ODAPH: variants seen among roughly 807,000 people sequenced by gnomAD.
The protein encoded by ODAPH is amelogenesis imperfecta type IIA4.
ODAPH carries 2 observed loss-of-function variants against 2.8 expected under a neutral mutation model. The observed-to-expected ratio is 0.72, with a 90% confidence interval of 0.30 to 2.28. ODAPH has a LOEUF of 2.28. Ranked by LOEUF, ODAPH falls within the 30% of genes most tolerant of loss-of-function variation. The pLI is 0.13. For missense variants in ODAPH, 159 were observed against 163.3 expected (o/e 0.97, Z 0.14); for synonymous variants, 75 against 60.3 (o/e 1.24, Z -1.13).
rs538360720 is a variant in ODAPH, at chr4:75,558,684, T to G, written c.67+2535T>G. ...TGTTTTTTCTATTATACTCTAATTT[T>G]TTTGTTTGTTTGTTTGTATGTTTGT... On this transcript the variant is annotated intron_variant, in intron 1 of 1. Transcript: ENST00000311623. Among the ~76,000 whole-genome samples, 6 of 152,160 alleles carry G rather than the reference T, an allele frequency of 3.9e-5. No homozygotes were observed. In the East Asian group the frequency reaches 9.7e-4, roughly 25 times the overall value.
rs6846555 is a variant in ODAPH, at chr4:75,559,808, G to A, written c.67+3659G>A. ...TCAATTCAATTGTACTGGAGGCACC[G>A]TGCTAGGGATGAGGAGGCAGCAGTC... On this transcript the variant is annotated intron_variant, in intron 1 of 1. Transcript: ENST00000311623. 9.2e-3 allele frequency among the ~76,000 whole-genome samples: 1,397 copies of A among 152,296 alleles called. 19 individuals are homozygous for A. Among genetic ancestry groups the A allele is most frequent in the African/African-American group, 0.032 (1,323 of 41,564 alleles).
chr4:75,559,672 G>A (rs1191692353), intron 1 of ODAPH, among the ~76,000 whole-genome samples: 1 of 152,200 alleles, frequency 6.6e-6, no homozygotes, highest in Non-Finnish European at 1.5e-5. Flanking sequence ...GCCTTTGATA[G>A]CATGTCAGTA....
chr4:75,559,426 G>T (rs2148841904), intron 1 of ODAPH, among the ~76,000 whole-genome samples: 1 of 152,306 alleles, frequency 6.6e-6, no homozygotes, highest in South Asian at 2.1e-4. Flanking sequence ...GATGAGATGG[G>T]TAGTATTCTT....
At chr4:75,558,191 G>C (rs1300348772) in intron 1 of ODAPH, among the ~76,000 whole-genome samples, 1 of 152,136 alleles carries the variant, frequency 6.6e-6, no homozygotes, top group Non-Finnish European at 1.5e-5. Context: ...TCACAGCATA[G>C]AATTGAAAGG....
At chr4:75,561,673 C>A (rs1257182509) in intron 1 of ODAPH, among the ~76,000 whole-genome samples, 2 of 152,088 alleles carry the variant, frequency 1.3e-5, no homozygotes, top group East Asian at 1.9e-4. Flanking sequence ...ATGGGGAAAC[C>A]CCATCTCTAC....
At chr4:75,562,069 T>C (rs909222001) in intron 1 of ODAPH, among the ~76,000 whole-genome samples, 1 of 152,134 alleles carries the variant, frequency 6.6e-6, no homozygotes, top group Admixed American at 6.5e-5. Flanking sequence ...AATTCTTAAG[T>C]GAGAATCTGA....
intron 1 of ODAPH, among the ~76,000 whole-genome samples, chr4:75,560,632 G>A (rs1211444204): frequency 6.6e-6 from 1 of 152,340 alleles, no homozygotes; most frequent in Non-Finnish European, 1.5e-5. Flanking sequence ...TCCTGGGTAA[G>A]TGATTGAAGC....
intron 1 of ODAPH, among the ~76,000 whole-genome samples, chr4:75,560,999 C>T (rs1388873451): frequency 1.3e-5 from 2 of 151,814 alleles, no homozygotes; most frequent in African/African-American, 4.8e-5. Context: ...GGGCGGATCA[C>T]GAGGTCAGGA....
intron 1 of ODAPH, among the ~76,000 whole-genome samples, chr4:75,563,024 T>G (rs1255514219): frequency 9.4e-5 from 11 of 117,464 alleles, no homozygotes; most frequent in East Asian, 2.4e-4. Context: ...TTTTTTTTTT[T>G]TTTTTTTTTT....
At chr4:75,563,256 G>A in intron 1 of ODAPH, 1 of 153,650 alleles carries the variant, frequency 6.5e-6, no homozygotes, top group Middle Eastern at 6.5e-4. Context: ...TCGATCTCCT[G>A]ACCTCGTGAT....
intron 1 of ODAPH, among the ~76,000 whole-genome samples, chr4:75,557,717 C>T (rs1390977054): frequency 2.0e-5 from 3 of 152,230 alleles, no homozygotes; most frequent in African/African-American, 7.2e-5. Flanking sequence ...CCTCGAAGTC[C>T]TTCAAATGTA....
At position 75,558,269 on chromosome 4, in the gene ODAPH, A is replaced by C. The variant is rs78617777; in HGVS notation, c.67+2120A>C. Among the ~76,000 whole-genome samples the C allele has an allele frequency of 2.3e-3, 354 of 152,342 alleles. 1 individual carries two copies. The highest frequency in any genetic ancestry group is 7.5e-3 in the African/African-American group (313 of 41,586). Reference sequence around the variant, plus strand: ...AATTAGAGATTTGACCAAGATAGTCATTCTTTGAGTCTACAAAATAAATTG... The same window carrying C: ...AATTAGAGATTTGACCAAGATAGTCCTTCTTTGAGTCTACAAAATAAATTG... On this transcript the variant is annotated intron_variant, in intron 1 of 1. Transcript: ENST00000311623.
chr4:75,564,939 T>C (rs919832151), downstream of ODAPH: 20 of 192,062 alleles, frequency 1.0e-4, no homozygotes, highest in Non-Finnish European at 1.8e-4. Flanking sequence ...ATGAGGAGTC[T>C]GACTGTAGCT....
chr4:75,556,730 C>T (rs1304277624), intron 1 of ODAPH: 81 of 680,556 alleles, frequency 1.2e-4, no homozygotes, highest in Non-Finnish European at 2.5e-6. Context: ...TCTTTGTTCC[C>T]ACTACAAAAT....
At chr4:75,558,029 C>T (rs17000649) in intron 1 of ODAPH, among the ~76,000 whole-genome samples, 8,259 of 152,278 alleles carry the variant, frequency 0.054, 721 homozygotes, top group African/African-American at 0.19. Context: ...ATTTGTGCAT[C>T]ACCTACGGCA....
chr4:75,561,137 T>G (rs1300081269), intron 1 of ODAPH, among the ~76,000 whole-genome samples: 1 of 141,190 alleles, frequency 7.1e-6, no homozygotes, highest in Non-Finnish European at 1.5e-5. Context: ...GGCAGGAGAA[T>G]GGCGTGAACC....
chr4:75,561,663 A>T (rs1202413240), intron 1 of ODAPH, among the ~76,000 whole-genome samples: 1 of 152,158 alleles, frequency 6.6e-6, no homozygotes, highest in Non-Finnish European at 1.5e-5. Flanking sequence ...CCTGGCCAAC[A>T]TGGGGAAACC....
At chr4:75,564,843 A>G, downstream of ODAPH, 1 of 348,742 alleles carries the variant, frequency 2.9e-6, no homozygotes, top group Non-Finnish European at 5.3e-6. Context: ...CACCGTTTTT[A>G]TACTCATTGG....
chr4:75,559,639 AGCTCT>A (rs1727481465), intron 1 of ODAPH, among the ~76,000 whole-genome samples: 1 of 152,244 alleles, frequency 6.6e-6, no homozygotes, highest in Admixed American at 6.5e-5. Flanking sequence ...CTTGCAGAAG[AGCTCT>A]CATCTTTGAC....
Sources: allele counts gnomAD v4.1 joint callset (sites outside exome capture counted in the v4.1 genomes callset), GRCh38; gene constraint gnomAD v4.1.1; transcripts MANE v1.5; gene names NCBI Gene and HGNC (gene_info 2026-07-23, HGNC 2026-07-21).